Variants in RERE observed in about 807,000 individuals in gnomAD.
The protein encoded by RERE is arginine-glutamic acid dipeptide repeats protein.
RERE carries 40 observed loss-of-function variants against 146.1 expected under a neutral mutation model. That is an observed-to-expected ratio of 0.27 (90% confidence interval 0.21 to 0.36). The LOEUF (loss-of-function observed/expected upper bound fraction) is 0.36. Ranked by LOEUF, RERE falls within the 10% of genes least tolerant of loss-of-function variation. The probability of loss-of-function intolerance (pLI) is 1.00; values close to 1 mark genes in which losing one functional copy is unlikely to be tolerated. For missense variants in RERE, 1,933 were observed against 2,138.7 expected (o/e 0.90, Z 1.90); for synonymous variants, 1,003 against 866.0 (o/e 1.16, Z -2.78).
chr1:8,617,092 C>T (rs1378635585), intron 3 of RERE, among the ~76,000 whole-genome samples: 1 of 152,032 alleles, frequency 6.6e-6, no homozygotes, highest in African/African-American at 2.4e-5. Flanking sequence ...TGCCTGTAAT[C>T]CCAACACTTT....
At chr1:8,612,892 T>C (rs1209391248) in intron 4 of RERE, among the ~76,000 whole-genome samples, 1 of 152,228 alleles carries the variant, frequency 6.6e-6, no homozygotes, top group Non-Finnish European at 1.5e-5. Context: ...TTATCTATAC[T>C]ACACTGGGTT....
chr1:8,597,090 A>ATTT (rs34498274), intron 4 of RERE, among the ~76,000 whole-genome samples: 68 of 144,276 alleles, frequency 4.7e-4, no homozygotes, highest in African/African-American at 1.5e-3. Flanking sequence ...ACTGATGCTG[A>ATTT]TTTTTTTTTT....
chr1:8,616,952 C>T (rs903434776), intron 3 of RERE, among the ~76,000 whole-genome samples: 7 of 152,140 alleles, frequency 4.6e-5, no homozygotes, highest in African/African-American at 7.2e-5. Context: ...AGGATGTGGT[C>T]GTTCAAAAAA....
At chr1:8,635,866 C>T (rs1018103094) in intron 2 of RERE, among the ~76,000 whole-genome samples, 7 of 152,364 alleles carry the variant, frequency 4.6e-5, no homozygotes, top group African/African-American at 1.4e-4. Context: ...GAAAAAAACA[C>T]TGTCCTTCCC....
At chr1:8,614,074 T>C (rs1220744457) in intron 4 of RERE, among the ~76,000 whole-genome samples, 1 of 152,134 alleles carries the variant, frequency 6.6e-6, no homozygotes, top group Non-Finnish European at 1.5e-5. Context: ...CCAAGCCTCT[T>C]GAAGGGCATA....
At chr1:8,606,488 T>C (rs546293183) in intron 4 of RERE, among the ~76,000 whole-genome samples, 45 of 152,300 alleles carry the variant, frequency 3.0e-4, no homozygotes, top group Middle Eastern at 3.4e-3. Flanking sequence ...AAAAATTATA[T>C]CTGTAAGCAG....
intron 10 of RERE, among the ~76,000 whole-genome samples, chr1:8,490,851 G>C (rs1340951885): frequency 1.3e-5 from 2 of 150,658 alleles, no homozygotes; most frequent in Admixed American, 6.6e-5. Flanking sequence ...TGTTGGAAAT[G>C]TTTTGTATCT....
chr1:8,534,141 G>C (rs750126992), intron 7 of RERE, among the ~76,000 whole-genome samples: 3 of 152,288 alleles, frequency 2.0e-5, no homozygotes, highest in Middle Eastern at 3.4e-3. Context: ...TTACTCAAAT[G>C]CAAGTAAATT....
intron 8 of RERE, 141 bp from the exon 9 acceptor site, chr1:8,497,670 T>C: frequency 1.2e-6 from 1 of 860,046 alleles, no homozygotes; most frequent in Non-Finnish European, 1.8e-6. Context: ...AACAAAACCA[T>C]GAGTCATTTA....
At chr1:8,505,262 G>A (rs190891422) in intron 8 of RERE, among the ~76,000 whole-genome samples, 1 of 152,276 alleles carries the variant, frequency 6.6e-6, no homozygotes, top group Admixed American at 6.5e-5. Flanking sequence ...AGGGAAATCT[G>A]GGCATCGTAT....
intron 12 of RERE, among the ~76,000 whole-genome samples, chr1:8,382,243 T>C (rs1642484147): frequency 6.6e-6 from 1 of 152,254 alleles, no homozygotes; most frequent in Non-Finnish European, 1.5e-5. Context: ...TGCTGAGCTG[T>C]GGCCTGAAGC....
intron 1 of RERE, among the ~76,000 whole-genome samples, chr1:8,715,331 GTGAAACCCCGTCTCTA>G (rs1639744142): frequency 6.7e-6 from 1 of 149,516 alleles, no homozygotes; most frequent in East Asian, 2.1e-4. Context: ...GACCAACATG[GTGAAACCCCGTCTCTA>G]CTAAAAACAC....
intron 12 of RERE, among the ~76,000 whole-genome samples, chr1:8,368,239 G>A (rs1641892916): frequency 6.6e-6 from 1 of 152,132 alleles, no homozygotes; most frequent in African/African-American, 2.4e-5. Flanking sequence ...GGAGGCTGAG[G>A]CAGGCGGATC....
chr1:8,412,491 G>C (rs1643641617), intron 12 of RERE, among the ~76,000 whole-genome samples: 1 of 152,198 alleles, frequency 6.6e-6, no homozygotes, highest in African/African-American at 2.4e-5. Context: ...CTCACCTCCA[G>C]TACACACATG....
chr1:8,356,715 G>A lies in RERE; in HGVS notation c.4340-469C>T, dbSNP rs938438334. Among the ~76,000 whole-genome samples the A allele has an allele frequency of 6.6e-5, 10 of 152,112 alleles. No individual in the cohort carries two copies. Among genetic ancestry groups the A allele is most frequent in the African/African-American group, 2.4e-4 (10 of 41,434 alleles). ...AGCAGAGTGGGTGGCGCAGAATGGG[G>A]ACCTGGCACAGCACTGCCCTCTCCT... On this transcript the variant is annotated intron_variant, in intron 20 of 22. Coordinates refer to ENST00000400908, the MANE Select transcript of RERE (RefSeq NM_001042681.2). This position sits in a 1 kb window ranked among gnomAD's most constrained non-coding sequence, Gnocchi z 5.2.
chr1:8,808,381 CTGAT>C (rs1319875915), intron 1 of RERE, among the ~76,000 whole-genome samples: 1 of 152,060 alleles, frequency 6.6e-6, no homozygotes, highest in East Asian at 1.9e-4. Context: ...TGCAGATCTC[CTGAT>C]TATTATAAAC....
chr1:8,524,044 T>G (rs535655674), intron 7 of RERE, among the ~76,000 whole-genome samples: 1 of 152,196 alleles, frequency 6.6e-6, no homozygotes, highest in Non-Finnish European at 1.5e-5. Flanking sequence ...TGGTGCAGTG[T>G]CCAGTTCCTC....
chr1:8,539,683 G>A (rs779670472), intron 7 of RERE, among the ~76,000 whole-genome samples: 29 of 152,126 alleles, frequency 1.9e-4, no homozygotes, highest in Non-Finnish European at 3.1e-4. Context: ...GATTACAGGC[G>A]TGACCCACCT....
chr1:8,773,241 TAACTTA>T (rs1392383037), intron 1 of RERE, among the ~76,000 whole-genome samples: 2 of 152,224 alleles, frequency 1.3e-5, no homozygotes, highest in African/African-American at 4.8e-5. Context: ...TTTGTCATCT[TAACTTA>T]AAGATCTAAA....
Sources: gnomAD v4.1 joint callset for allele counts (sites outside exome capture counted in the v4.1 genomes callset) on GRCh38, gnomAD v4.1.1 for gene constraint, Gnocchi (gnomAD v3.1) non-coding constraint, MANE v1.5 for transcripts, NCBI Gene and HGNC (gene_info 2026-07-23, HGNC 2026-07-21) for gene names.